Variants in RARB observed in about 807,000 individuals in gnomAD.
RARB encodes the protein HBV-activated protein.
Under a neutral mutation model 51.9 loss-of-function variants are expected in RARB, and 17 were observed. That is an observed-to-expected ratio of 0.33 (90% CI 0.22 to 0.49). The LOEUF (loss-of-function observed/expected upper bound fraction) is 0.49. RARB is among the 20% of genes least tolerant of loss of function. The probability of loss-of-function intolerance (pLI) is 0.99; values close to 1 mark genes in which losing one functional copy is unlikely to be tolerated. For synonymous variants in RARB, 215 were observed against 195.4 expected, an observed-to-expected ratio of 1.10 and a Z score of -0.84; for missense variants, 369 against 550.8, an observed-to-expected ratio of 0.67 and a Z score of 3.30.
intron 5 of RARB, among the ~76,000 whole-genome samples, chr3:25,375,631 G>A (rs1706438104): frequency 6.6e-6 from 1 of 152,158 alleles, no homozygotes; most frequent in South Asian, 2.1e-4. Flanking sequence ...AGCAAACTTG[G>A]ATTCTTGAGG....
chr3:24,911,277 C>A (rs983856584), intron 2 of RARB, among the ~76,000 whole-genome samples: 7 of 152,112 alleles, frequency 4.6e-5, no homozygotes, highest in African/African-American at 2.4e-5. Context: ...GACCTCCCAA[C>A]AAGTGACATT....
At chr3:24,997,037 G>A (rs149671077) in intron 2 of RARB, among the ~76,000 whole-genome samples, 7 of 151,144 alleles carry the variant, frequency 4.6e-5, no homozygotes, top group African/African-American at 9.9e-5. Context: ...ACGATCCGTC[G>A]AATATTGAGA....
chr3:25,441,849 CCT>C (rs561970080), intron 1 of RARB, among the ~76,000 whole-genome samples: 172 of 152,176 alleles, frequency 1.1e-3, no homozygotes, highest in African/African-American at 4.0e-3. Context: ...GTGCTTTTTA[CCT>C]CTGTTTTCCC....
At chr3:25,213,682 G>T (rs578209253) in intron 5 of RARB, among the ~76,000 whole-genome samples, 29 of 152,322 alleles carry the variant, frequency 1.9e-4, no homozygotes, top group African/African-American at 7.0e-4. Flanking sequence ...ATGGAAGTCA[G>T]TCCTGCTGAA....
chr3:25,122,966 C>A (rs1216629922), intron 3 of RARB, among the ~76,000 whole-genome samples: 1 of 152,118 alleles, frequency 6.6e-6, no homozygotes, highest in Non-Finnish European at 1.5e-5. Flanking sequence ...TTATCTACCC[C>A]ACTTCGCCAC....
At chr3:24,894,394 C>G (rs1196712302) in intron 2 of RARB, among the ~76,000 whole-genome samples, 2 of 151,766 alleles carry the variant, frequency 1.3e-5, no homozygotes, top group Non-Finnish European at 2.9e-5. Context: ...TGTTACTTCA[C>G]TTAGGATAAT....
At chr3:24,891,743 G>A (rs570905584) in intron 2 of RARB, among the ~76,000 whole-genome samples, 1 of 152,236 alleles carries the variant, frequency 6.6e-6, no homozygotes, top group East Asian at 1.9e-4. Flanking sequence ...GAAATCGGGA[G>A]GTCAAGGAGA....
chr3:25,360,709 TTTCTCCTTCAC>T lies in RARB; in HGVS notation c.179-100470_179-100460del, dbSNP rs374576201. ...CCCTCAGCATTTGCTTGACTGTAAA[TTTCTCCTTCAC>T]TTCTCCTTCACTTATAAAGCTTAGT... On this transcript the variant is annotated intron_variant, in intron 5 of 11. Transcript: ENST00000383772. Among the ~76,000 whole-genome samples, 46 of 149,086 alleles carry T rather than the reference TTTCTCCTTCAC, an allele frequency of 3.1e-4. No individual in the cohort carries two copies. The East Asian group carries it at 3.5e-3, about 11-fold the overall frequency.
chr3:25,289,740 A>AT (rs35019857), intron 5 of RARB, among the ~76,000 whole-genome samples: 21,219 of 152,052 alleles, frequency 0.14, 1,754 homozygotes, highest in South Asian at 0.22. Flanking sequence ...AAGGCGAAGG[A>AT]TTTTTTTTCT....
chr3:25,192,711 C>G (rs1222124135), intron 5 of RARB, among the ~76,000 whole-genome samples: 2 of 152,008 alleles, frequency 1.3e-5, no homozygotes, highest in African/African-American at 2.4e-5. Context: ...CTCAGACAAT[C>G]CTGAACCACA....
chr3:25,074,521 C>T (rs1575147987), intron 3 of RARB, among the ~76,000 whole-genome samples: 1 of 152,162 alleles, frequency 6.6e-6, no homozygotes, highest in African/African-American at 2.4e-5. Context: ...CATGCCACAT[C>T]TACATAGTTA....
intron 5 of RARB, among the ~76,000 whole-genome samples, chr3:25,187,893 G>A (rs995985303): frequency 6.6e-6 from 1 of 152,086 alleles, no homozygotes; most frequent in African/African-American, 2.4e-5. Flanking sequence ...AGACAACACA[G>A]ATATTAGCAC....
At chr3:24,932,189 G>C (rs1695455265) in intron 2 of RARB, among the ~76,000 whole-genome samples, 1 of 152,048 alleles carries the variant, frequency 6.6e-6, no homozygotes, top group Non-Finnish European at 1.5e-5. Context: ...TTTCACTCAG[G>C]ATACTTGGAG....
chr3:25,416,625 A>G (rs867120262), intron 5 of RARB, among the ~76,000 whole-genome samples: 41 of 152,362 alleles, frequency 2.7e-4, no homozygotes, highest in African/African-American at 9.9e-4. Flanking sequence ...ACGATCACGC[A>G]GCTCTGTTGT....
chr3:25,188,113 A>G (rs1253756567), intron 5 of RARB, among the ~76,000 whole-genome samples: 2 of 152,108 alleles, frequency 1.3e-5, no homozygotes, highest in Non-Finnish European at 2.9e-5. Flanking sequence ...TTTAACATAT[A>G]TATTGTATAT....
intron 5 of RARB, among the ~76,000 whole-genome samples, chr3:25,397,051 C>T (rs573475428): frequency 6.6e-6 from 1 of 152,280 alleles, no homozygotes; most frequent in African/African-American, 2.4e-5. Flanking sequence ...CCATTCACTG[C>T]CCCCGCAACC....
chr3:25,308,259 G>T (rs559421607), intron 5 of RARB, among the ~76,000 whole-genome samples: 7 of 152,250 alleles, frequency 4.6e-5, no homozygotes, highest in African/African-American at 1.7e-4. Context: ...ATGCCATTCT[G>T]TATTTTGATA....
chr3:24,918,843 T>C lies in RARB; in HGVS notation c.-380+60091T>C, dbSNP rs1342964947. Among the ~76,000 whole-genome samples, 4 of 152,118 alleles carry C rather than the reference T, an allele frequency of 2.6e-5. No homozygotes were observed. The South Asian group carries it at 8.3e-4, about 32-fold the overall frequency. Reference sequence around the variant, plus strand: ...GATGCAGAGGTTGCAGTGAGCCAGATCATGCCATTGCACTCCAGCCTGGGT... The same window carrying C: ...GATGCAGAGGTTGCAGTGAGCCAGACCATGCCATTGCACTCCAGCCTGGGT... On this transcript the variant is annotated intron_variant, in intron 2 of 11. Coordinates refer to the RARB transcript ENST00000383772.
chr3:25,065,019 T>G (rs147050434), intron 3 of RARB, among the ~76,000 whole-genome samples: 56 of 152,278 alleles, frequency 3.7e-4, no homozygotes, highest in African/African-American at 1.3e-3. Context: ...TGGTGGCCAT[T>G]GGCTCTGATC....
Sources: allele counts gnomAD v4.1 joint callset (sites outside exome capture counted in the v4.1 genomes callset), GRCh38; gene constraint gnomAD v4.1.1; transcripts MANE v1.5; gene names NCBI Gene and HGNC (gene_info 2026-07-23, HGNC 2026-07-21).